The following PDE1A variants were observed in gnomAD, a reference collection of about 807,000 sequenced individuals.
PDE1A encodes dual specificity calcium/calmodulin-dependent 3',5'-cyclic nucleotide phosphodiesterase 1A.
Under a neutral mutation model 61.7 loss-of-function variants are expected in PDE1A, and 35 were observed. The ratio of observed to expected loss-of-function variants is 0.57; its 90% CI spans 0.43 to 0.75. The LOEUF (loss-of-function observed/expected upper bound fraction) is 0.75, where lower values mean the gene tolerates loss of function less well. PDE1A is among the 30% of genes least tolerant of loss of function. The pLI, the probability that PDE1A is intolerant of heterozygous loss-of-function variation, is 0.00. For synonymous variants in PDE1A, 232 were observed against 213.2 expected (o/e 1.09, Z -0.77); for missense variants, 597 against 630.6 (o/e 0.95, Z 0.57).
At chr2:182,571,128 G>T in the PDE1A span, among the ~76,000 whole-genome samples, 1 of 152,054 alleles carries the variant, frequency 6.6e-6, no homozygotes, top group African/African-American at 2.4e-5. Flanking sequence ...TATTTTAATG[G>T]GTGCCAACAA....
chr2:182,379,635 A>G (rs1038880622), intron 1 of PDE1A, among the ~76,000 whole-genome samples: 14 of 152,262 alleles, frequency 9.2e-5, no homozygotes, highest in Admixed American at 5.2e-4. Flanking sequence ...GTATAGTAAT[A>G]TAACATAAAA....
chr2:182,235,709 C>A (rs1689955262), intron 3 of PDE1A, among the ~76,000 whole-genome samples: 1 of 152,218 alleles, frequency 6.6e-6, no homozygotes, highest in Non-Finnish European at 1.5e-5. Flanking sequence ...CCACAACGAG[C>A]TGAATTTCTA....
rs1295718104 is a variant in PDE1A, at chr2:182,179,917, C to T, written c.1516+5975G>A. Among the ~76,000 whole-genome samples the T allele has an allele frequency of 4.6e-5, 7 of 152,102 alleles. No individual in the cohort carries two copies. The South Asian group carries it at 1.0e-3, about 23-fold the overall frequency. On this transcript the variant is annotated intron_variant, in intron 13 of 13. Transcript: ENST00000351439. ...CTCTAGGACTAGGGAGATGTTTTTG[C>T]GATATCTGTGAAATAGAGCTTAAGG...
At chr2:182,386,000 C>A (rs573109569) in intron 1 of PDE1A, among the ~76,000 whole-genome samples, 1 of 152,194 alleles carries the variant, frequency 6.6e-6, no homozygotes, top group Non-Finnish European at 1.5e-5. Context: ...CCTGTGATTG[C>A]GGGCGTGTGC....
chr2:182,303,290 T>G (rs1695363454), intron 1 of PDE1A, among the ~76,000 whole-genome samples: 1 of 152,188 alleles, frequency 6.6e-6, no homozygotes, highest in Non-Finnish European at 1.5e-5. Context: ...AATTACTCCT[T>G]GATCCATGGG....
At chr2:182,221,134 C>T (rs772897604) in intron 7 of PDE1A, among the ~76,000 whole-genome samples, 2 of 151,944 alleles carry the variant, frequency 1.3e-5, no homozygotes, top group Non-Finnish European at 2.9e-5. Flanking sequence ...ACCTCCTCCT[C>T]CCTCTCCACA....
chr2:182,402,262 T>A (rs1193007106), intron 1 of PDE1A, among the ~76,000 whole-genome samples: 1 of 152,190 alleles, frequency 6.6e-6, no homozygotes, highest in African/African-American at 2.4e-5. Flanking sequence ...TTATGCTACC[T>A]GACTTCAAAC....
At chr2:182,660,160 AG>A in the PDE1A span, among the ~76,000 whole-genome samples, 10 of 152,236 alleles carry the variant, frequency 6.6e-5, no homozygotes. Context: ...CACATGAAAA[AG>A]ATGGTCCCCA....
chr2:182,340,782 G>A (rs1393934459), intron 1 of PDE1A, among the ~76,000 whole-genome samples: 1 of 152,126 alleles, frequency 6.6e-6, no homozygotes, highest in Non-Finnish European at 1.5e-5. Flanking sequence ...CAGATCAAAT[G>A]GATATATTGT....
At chr2:182,541,644 CA>C in the PDE1A span, among the ~76,000 whole-genome samples, 2 of 152,096 alleles carry the variant, frequency 1.3e-5, no homozygotes, top group African/African-American at 2.4e-5. Flanking sequence ...TTGTGAGGCT[CA>C]ATCTCTAATA....
At chr2:182,474,120 T>C (rs573383809) in intron 2 of PDE1A, among the ~76,000 whole-genome samples, 6 of 152,022 alleles carry the variant, frequency 3.9e-5, no homozygotes, top group South Asian at 2.1e-4. Context: ...ATATAAGCGT[T>C]CTTTAAATTC....
At chr2:182,464,591 G>A (rs929478506) in intron 2 of PDE1A, among the ~76,000 whole-genome samples, 1 of 151,834 alleles carries the variant, frequency 6.6e-6, no homozygotes, top group African/African-American at 2.4e-5. Flanking sequence ...AGTTAACATG[G>A]TAAAAAAAAT....
the PDE1A span, chr2:182,715,898 C>T: frequency 6.6e-6 from 1 of 152,256 alleles, no homozygotes; most frequent in South Asian, 2.1e-4. Context: ...ACAAATCCTC[C>T]AAAGCTCCGT....
intron 7 of PDE1A, among the ~76,000 whole-genome samples, chr2:182,212,156 A>C (rs1329120084): frequency 6.6e-6 from 1 of 151,294 alleles, no homozygotes; most frequent in East Asian, 1.9e-4. Context: ...TAAATAGATA[A>C]TTTTCTTTGA....
chr2:182,286,336 T>C (rs1354351259), intron 1 of PDE1A, among the ~76,000 whole-genome samples: 1 of 152,178 alleles, frequency 6.6e-6, no homozygotes, highest in Non-Finnish European at 1.5e-5. Flanking sequence ...TGATTTTCAA[T>C]CAAGTTTTTT....
the PDE1A span, among the ~76,000 whole-genome samples, chr2:182,639,676 G>C: frequency 6.6e-6 from 1 of 151,894 alleles, no homozygotes; most frequent in Non-Finnish European, 1.5e-5. Context: ...AGGCCAAAAA[G>C]AAGAGTAAGC....
the PDE1A span, among the ~76,000 whole-genome samples, chr2:182,662,336 A>G: frequency 9.5e-5 from 7 of 73,736 alleles, no homozygotes; most frequent in African/African-American, 3.8e-4. Flanking sequence ...AATTGAAAAA[A>G]AAAAGAAAAA....
At chr2:182,184,718 T>C (rs889156229) in intron 13 of PDE1A, among the ~76,000 whole-genome samples, 4 of 152,122 alleles carry the variant, frequency 2.6e-5, no homozygotes, top group African/African-American at 9.7e-5. Flanking sequence ...ATCTGTCAAG[T>C]TCTGCAGGAA....
the PDE1A span, among the ~76,000 whole-genome samples, chr2:182,687,390 T>C: frequency 2.4e-4 from 36 of 152,218 alleles, no homozygotes; most frequent in Admixed American, 2.3e-3. Flanking sequence ...TTCCCTGTTC[T>C]GCAGCCTCTG....
Sources: allele counts gnomAD v4.1 joint callset (sites outside exome capture counted in the v4.1 genomes callset), GRCh38; gene constraint gnomAD v4.1.1; transcripts MANE v1.5; gene names NCBI Gene and HGNC (gene_info 2026-07-23, HGNC 2026-07-21).